The following CPNE4 variants were observed in gnomAD, a reference collection of about 807,000 sequenced individuals.
CPNE4 encodes the protein copine 4.
In CPNE4, 25 loss-of-function variants were observed where a neutral mutation model predicts 67.9. The ratio of observed to expected loss-of-function variants is 0.37; its 90% CI spans 0.27 to 0.51. The LOEUF (loss-of-function observed/expected upper bound fraction) is 0.51. CPNE4 is among the 20% of genes least tolerant of loss of function. The pLI, the probability that CPNE4 is intolerant of heterozygous loss-of-function variation, is 0.93. For missense variants in CPNE4, 464 were observed against 690.8 expected (o/e 0.67, Z 3.68); for synonymous variants, 242 against 244.9 (o/e 0.99, Z 0.11).
At chr3:131,630,393 C>T (rs1000552818) in intron 7 of CPNE4, among the ~76,000 whole-genome samples, 3 of 152,190 alleles carry the variant, frequency 2.0e-5, no homozygotes, top group African/African-American at 7.2e-5. Flanking sequence ...AACTACTGTA[C>T]TCAGGGCCTC....
rs575565686 is a variant in CPNE4 at position 131,900,264 on chromosome 3, G to T, written c.180+5000C>A. Among the ~76,000 whole-genome samples, 79 of 152,038 alleles carry T rather than the reference G, an allele frequency of 5.2e-4. No individual in the cohort carries two copies. The East Asian group carries it at 0.015, about 29-fold the overall frequency. On this transcript the variant is annotated intron_variant, in intron 2 of 15. Coordinates refer to ENST00000429747, the MANE Select transcript of CPNE4 (RefSeq NM_130808.3). ...AGGTGCTCAACATCACTGATCATCA[G>T]AAAAATGCAAATCAAAACTACAATG...
At position 131,964,887 on chromosome 3, in the gene CPNE4, C is replaced by T. The variant is rs78670677; in HGVS notation, c.-1-59443G>A. Among the ~76,000 whole-genome samples, 3 of 152,152 alleles carry T rather than the reference C, an allele frequency of 2.0e-5. No homozygotes were observed. In the East Asian group the frequency reaches 5.8e-4, roughly 29 times the overall value. On this transcript the variant is annotated intron_variant, in intron 1 of 15. Transcript: ENST00000429747. ...AAATACAAAGAACCTCACTAAGATA[C>T]TCCTTGAGAAGAGCAACCCCAAGGC...
chr3:131,921,591 T>C (rs1377986881), intron 1 of CPNE4, among the ~76,000 whole-genome samples: 2 of 152,230 alleles, frequency 1.3e-5, no homozygotes, highest in Non-Finnish European at 2.9e-5. Flanking sequence ...GTTCATTTTC[T>C]ACCTCCATGG....
chr3:131,593,970 G>A (rs547637161), intron 7 of CPNE4, among the ~76,000 whole-genome samples: 13 of 152,056 alleles, frequency 8.5e-5, no homozygotes, highest in South Asian at 8.3e-4. Flanking sequence ...TGCCTGCCTC[G>A]GACTCCTAAA....
At chr3:131,912,216 A>G (rs1044622937) in intron 1 of CPNE4, among the ~76,000 whole-genome samples, 4 of 152,190 alleles carry the variant, frequency 2.6e-5, no homozygotes, top group Admixed American at 2.6e-4. Context: ...ATTAAAAACT[A>G]CCACTTCAGC....
chr3:131,798,993 C>T (rs1423120652), intron 2 of CPNE4, among the ~76,000 whole-genome samples: 1 of 152,046 alleles, frequency 6.6e-6, no homozygotes, highest in Non-Finnish European at 1.5e-5. Flanking sequence ...TTAAATTGAA[C>T]TTGCATGTCC....
At chr3:131,853,256 G>C (rs1039257077) in intron 2 of CPNE4, among the ~76,000 whole-genome samples, 3 of 151,786 alleles carry the variant, frequency 2.0e-5, no homozygotes, top group South Asian at 4.1e-4. Flanking sequence ...GTTTAGAAAT[G>C]AATCTATACA....
At chr3:131,906,305 A>C (rs1270100173) in intron 1 of CPNE4, among the ~76,000 whole-genome samples, 1 of 151,570 alleles carries the variant, frequency 6.6e-6, no homozygotes, top group Non-Finnish European at 1.5e-5. Flanking sequence ...CACAATGTGC[A>C]GGTTAGTTAC....
intron 7 of CPNE4, among the ~76,000 whole-genome samples, chr3:131,659,706 T>A (rs1320587243): frequency 6.6e-6 from 1 of 152,158 alleles, no homozygotes; most frequent in Non-Finnish European, 1.5e-5. Context: ...TCTTCCCTCA[T>A]AATGGTTGGG....
At chr3:131,828,315 A>G (rs970326627) in intron 2 of CPNE4, among the ~76,000 whole-genome samples, 7 of 152,208 alleles carry the variant, frequency 4.6e-5, no homozygotes, top group Non-Finnish European at 1.0e-4. Flanking sequence ...ATCAACCAAG[A>G]AAGTGTCTCC....
At chr3:131,847,029 G>A (rs2086026475) in intron 2 of CPNE4, among the ~76,000 whole-genome samples, 1 of 152,170 alleles carries the variant, frequency 6.6e-6, no homozygotes, top group Non-Finnish European at 1.5e-5. Flanking sequence ...AGAGCATGAA[G>A]GATGATGATT....
chr3:132,036,454 AT>A (rs1453534519), upstream of CPNE4, among the ~76,000 whole-genome samples: 4 of 152,250 alleles, frequency 2.6e-5, no homozygotes, highest in Non-Finnish European at 5.9e-5. Flanking sequence ...TCCAAGGGAT[AT>A]TCAGGGTCCT....
intron 4 of CPNE4, among the ~76,000 whole-genome samples, chr3:131,697,647 G>A (rs371498917): frequency 2.0e-5 from 3 of 152,108 alleles, no homozygotes; most frequent in African/African-American, 7.2e-5. Flanking sequence ...GTGAGTCCAG[G>A]TATATAGGAA....
chr3:132,002,297 G>A (rs961120105), intron 1 of CPNE4, among the ~76,000 whole-genome samples: 1 of 152,144 alleles, frequency 6.6e-6, no homozygotes, highest in Non-Finnish European at 1.5e-5. Context: ...GAAAGCCTCA[G>A]AAGAAGAAAA....
chr3:131,900,981 G>A (rs575847329), intron 2 of CPNE4, among the ~76,000 whole-genome samples: 4 of 152,156 alleles, frequency 2.6e-5, no homozygotes, highest in South Asian at 4.2e-4. Flanking sequence ...TGAAAAAATT[G>A]AATTAATGGT....
At chr3:132,027,909 C>G (rs1314352423) in intron 1 of CPNE4, among the ~76,000 whole-genome samples, 1 of 152,068 alleles carries the variant, frequency 6.6e-6, no homozygotes, top group Admixed American at 6.6e-5. Flanking sequence ...TGAAATACAC[C>G]TTTCAATATT....
intron 7 of CPNE4, among the ~76,000 whole-genome samples, chr3:131,630,354 T>G (rs556238621): frequency 4.1e-4 from 62 of 152,342 alleles, no homozygotes; most frequent in Admixed American, 8.5e-4. Context: ...CAACTGGTAC[T>G]CTGGAAAGAG....
chr3:131,698,777 G>T (rs895462145), intron 4 of CPNE4, among the ~76,000 whole-genome samples: 3 of 151,884 alleles, frequency 2.0e-5, no homozygotes, highest in Non-Finnish European at 4.4e-5. Context: ...GGGTGTGGTG[G>T]TGGGCACCTG....
chr3:131,572,281 A>AAAC (rs1401671203), intron 10 of CPNE4, among the ~76,000 whole-genome samples: 1 of 152,078 alleles, frequency 6.6e-6, no homozygotes, highest in Non-Finnish European at 1.5e-5. Context: ...GACAATTCAC[A>AAAC]AACATGTGGA....
Sources: gnomAD v4.1 joint callset for allele counts (sites outside exome capture counted in the v4.1 genomes callset) on GRCh38, gnomAD v4.1.1 for gene constraint, MANE v1.5 for transcripts, NCBI Gene and HGNC (gene_info 2026-07-23, HGNC 2026-07-21) for gene names.